The following ISCU variants were observed in gnomAD, a reference collection of about 807,000 sequenced individuals.
The protein encoded by ISCU is iron-sulfur cluster assembly enzyme ISCU.
ISCU carries 13 observed loss-of-function variants against 18.4 expected under a neutral mutation model. The observed-to-expected ratio is 0.71, with a 90% confidence interval of 0.46 to 1.12. The LOEUF (loss-of-function observed/expected upper bound fraction) is 1.12, where lower values mean the gene tolerates loss of function less well. Among genes scored for constraint, ISCU ranks in the 50% most tolerant of loss-of-function variants. The probability of loss-of-function intolerance (pLI) is 0.00; values close to 1 mark genes in which losing one functional copy is unlikely to be tolerated. For missense variants in ISCU, 229 were observed against 208.7 expected (o/e 1.10, Z -0.60); for synonymous variants, 104 against 87.5 (o/e 1.19, Z -1.06).
At chr12:108,564,525 G>A (rs2030798464) in intron 2 of ISCU, 133 bp downstream of exon 2, 2 of 717,792 alleles carry the variant, frequency 2.8e-6, no homozygotes, top group Non-Finnish European at 5.0e-6. Context: ...ATTCCTGTGA[G>A]ATGGGATGAG....
At position 108,564,338 on chromosome 12, in the gene ISCU, T is replaced by C. The variant is rs779724453; in HGVS notation, c.174T>C (p.Asn58=). 8 of 1,614,106 alleles carry C rather than the reference T, an allele frequency of 5.0e-6. No homozygotes were observed. The South Asian group carries it at 7.7e-5, about 16-fold the overall frequency. ...NVGSLDKTSK[N]VGTGLVGAPA... ...GGTCCCTTGACAAGACATCTAAAAA[T>C]GTTGGAACTGGACTGGTGGGGGCTC... is the stretch of plus-strand genomic sequence containing the variant. The change falls in exon 2 of 5, where the codon AAT becomes AAC. Residue 58 remains asparagine, a synonymous_variant. Transcript: ENST00000311893.
chr12:108,564,413 T>C (rs200813229), intron 2 of ISCU, 21 bp downstream of exon 2: 2 of 1,487,846 alleles, frequency 1.3e-6, no homozygotes, highest in African/African-American at 2.8e-5. Flanking sequence ...TCTTTTTTAA[T>C]AGTGATAACA....
chr12:108,565,911 T>C (rs2030875846), intron 3 of ISCU, among the ~76,000 whole-genome samples: 1 of 152,246 alleles, frequency 6.6e-6, no homozygotes, highest in Non-Finnish European at 1.5e-5. Flanking sequence ...ATCAGAACAG[T>C]GATCCAGGTG....
intron 2 of ISCU, 63 bp from the exon 3 acceptor site, chr12:108,565,258 G>GT (rs1200153802): frequency 6.5e-6 from 8 of 1,230,766 alleles, no homozygotes; most frequent in African/African-American, 1.5e-5. Context: ...GTGAACCTTC[G>GT]TGAGTGCCAG....
rs141286897 is a variant in ISCU at position 108,563,527 on chromosome 12, G to T, written c.115-752G>T. 2.0e-3 allele frequency: 333 copies of T among 168,786 alleles called. 1 individual carries two copies. The highest frequency in any genetic ancestry group is 7.7e-3 in the African/African-American group (321 of 41,542). The allele number at this position is 168,786 out of a possible 1,614,324, so 10.5% of individuals were successfully genotyped here. A position where few individuals can be genotyped will look rare whatever the true frequency, so the allele number is the denominator to read the frequency against. On this transcript the variant is annotated intron_variant, in intron 1 of 4. Coordinates refer to ENST00000311893, the MANE Select transcript of ISCU (RefSeq NM_213595.4). ...AGTCAGATGGGGGGAAAAGGGGACTGGAAGATCGGCGTGCTTACTACTAAC... is the reference window on the plus strand; with the variant it reads ...AGTCAGATGGGGGGAAAAGGGGACTTGAAGATCGGCGTGCTTACTACTAAC...
In ISCU at chr12:108,563,339, G is replaced by T. The variant is rs145962497; in HGVS notation, c.114+603G>T. On this transcript the variant is annotated intron_variant, in intron 1 of 4. Coordinates refer to ENST00000311893, the MANE Select transcript of ISCU (RefSeq NM_213595.4). ...GTTTTTTGGCGGGGAAGGAGGGATAGATTCATAGTCTGCAGCCCCTTGCTG... is the reference window on the plus strand; with the variant it reads ...GTTTTTTGGCGGGGAAGGAGGGATATATTCATAGTCTGCAGCCCCTTGCTG... 573 of 152,960 alleles carry T rather than the reference G, an allele frequency of 3.7e-3. 2 individuals carry two copies. The highest frequency in any genetic ancestry group is 6.8e-3 in the Non-Finnish European group (463 of 68,566). 9.5% of individuals were successfully genotyped at this position (152,960 alleles called of 1,614,324 possible). A position where few individuals can be genotyped will look rare whatever the true frequency, so the allele number is the denominator to read the frequency against.
chr12:108,568,729 TC>T (rs1311402480), intron 4 of ISCU, 101 bp from the exon 5 acceptor site: 1 of 1,545,090 alleles, frequency 6.5e-7, no homozygotes, highest in African/African-American at 1.4e-5. Context: ...ACTCCATTAG[TC>T]CCCACCAGCA....
rs369816560 is a variant in ISCU at position 108,568,927 on chromosome 12, G to A, written c.*11G>A. On this transcript the variant is annotated 3_prime_UTR_variant, in exon 5 of 5. Transcript: ENST00000311893. Reference sequence around the variant, plus strand: ...GCAGAGAAGAAATGAGCCCTCCCTCGGCGAAGCCTCCAGCAGGCCACACCA... The same window carrying A: ...GCAGAGAAGAAATGAGCCCTCCCTCAGCGAAGCCTCCAGCAGGCCACACCA... The A allele has an allele frequency of 8.9e-5, 143 of 1,605,830 alleles. No homozygotes were observed. The highest frequency in any genetic ancestry group is 2.0e-4 in the East Asian group (9 of 44,778).
intron 4 of ISCU, chr12:108,567,756 G>A (rs2030969304): frequency 1.3e-6 from 2 of 1,535,694 alleles, no homozygotes; most frequent in East Asian, 2.4e-5. Context: ...ATTCCTGTCG[G>A]GGTCTGCATC....
Position 108,569,207 on chromosome 12 carries a change from G to A in ISCU, c.*291G>A. 1 of 434,206 alleles carries A rather than the reference G, an allele frequency of 2.3e-6. No homozygotes were observed. The highest frequency in any genetic ancestry group is 4.3e-6 in the Non-Finnish European group (1 of 234,426). 26.9% of individuals were successfully genotyped at this position (434,206 alleles called of 1,614,324 possible). ...GATAATGAAGTTGCAAGTTTTGATA[G>A]CCCGTGAAGTGCATAAGTATCTAAT... On this transcript the variant is annotated 3_prime_UTR_variant, in exon 5 of 5. Coordinates refer to ENST00000311893, the MANE Select transcript of ISCU (RefSeq NM_213595.4).
chr12:108,562,895 T>A (rs2030680743), intron 1 of ISCU, 159 bp downstream of exon 1: 3 of 423,184 alleles, frequency 7.1e-6, no homozygotes, highest in African/African-American at 6.2e-5. Context: ...TCACTGCAAC[T>A]GATAAACAAC....
At position 108,568,869 on chromosome 12, in the gene ISCU, T is replaced by A. The variant is rs1314573372; in HGVS notation, c.457T>A (p.Tyr153Asn). 1 of 1,613,534 alleles carries A rather than the reference T, an allele frequency of 6.2e-7. No homozygotes were observed. Among genetic ancestry groups the A allele is most frequent in the African/African-American group, 1.3e-5 (1 of 74,922 alleles). ...EDAIKAALADYKLKQEPKKGE... is the reference protein window; with the variant it reads ...EDAIKAALADNKLKQEPKKGE... Reference sequence around the variant, plus strand: ...TGCAATCAAGGCCGCCCTGGCTGATTACAAATTGAAACAAGAACCCAAAAA... The same window carrying A: ...TGCAATCAAGGCCGCCCTGGCTGATAACAAATTGAAACAAGAACCCAAAAA... Residue 153 changes from tyrosine (Y) to asparagine (N), a missense_variant, in exon 5 of 5, where the codon TAC (tyrosine) becomes AAC (asparagine). Tyr to Asn is a moderately radical substitution (Grantham distance 143). Transcript: ENST00000311893.
At chr12:108,562,906 A>G (rs1055675445) in intron 1 of ISCU, 170 bp downstream of exon 1, 3 of 407,278 alleles carry the variant, frequency 7.4e-6, no homozygotes, top group Non-Finnish European at 1.3e-5. Context: ...GATAAACAAC[A>G]GTTACCGCTC....
chr12:108,563,520 G>C (rs991616095), intron 1 of ISCU: 1 of 167,502 alleles, frequency 6.0e-6, no homozygotes, highest in Admixed American at 5.6e-5. Flanking sequence ...GGGGGGAAAA[G>C]GGGACTGGAA....
At chr12:108,566,268 G>T (rs896381711) in intron 3 of ISCU, among the ~76,000 whole-genome samples, 1 of 152,256 alleles carries the variant, frequency 6.6e-6, no homozygotes, top group African/African-American at 2.4e-5. Flanking sequence ...GGGCCAGGAA[G>T]CTCAGACCTA....
At chr12:108,567,668 G>C in intron 4 of ISCU, 2 of 1,535,988 alleles carry the variant, frequency 1.3e-6, no homozygotes, top group Non-Finnish European at 1.7e-6. Context: ...AATCTGTGCT[G>C]TTTCCAGCAG....
At chr12:108,567,352 GA>G in intron 4 of ISCU, 84 bp downstream of exon 4, 1 of 1,124,312 alleles carries the variant, frequency 8.9e-7, no homozygotes, top group Non-Finnish European at 1.4e-6. Flanking sequence ...TTAGATCATG[GA>G]GCCCACGTTT....
chr12:108,564,061 T>C, intron 1 of ISCU: 3 of 1,593,978 alleles, frequency 1.9e-6, no homozygotes, highest in Non-Finnish European at 2.6e-6. Flanking sequence ...TTCTTCTAGG[T>C]ATCTCAAATC....
chr12:108,562,710 GC>G lies in ISCU; in HGVS notation c.92del (p.Pro31ArgfsTer42). 1.3e-6 allele frequency: 2 copies of G among 1,487,998 alleles called. No individual in the cohort carries two copies. The highest frequency in any genetic ancestry group is 1.8e-6 in the Non-Finnish European group (2 of 1,129,262). The allele number at this position is 1,487,998 out of a possible 1,614,324, so 92.2% of individuals were successfully genotyped here. ...CCGCCTGCCCGCCCGGGAGCTGTCG[GC>G]CCCGGCCCGACTCTATCACAAGAAG... Reference protein sequence around the residue: ...SPRLPARELSAPARLYHKKVV... With the variant: ...SPRLPARELSXPARLYHKKVV... On this transcript the variant is annotated frameshift_variant, in exon 1 of 5. Transcript: ENST00000311893. LOFTEE classifies it high-confidence loss of function.
Sources: allele counts gnomAD v4.1 joint callset (sites outside exome capture counted in the v4.1 genomes callset), GRCh38; gene constraint gnomAD v4.1.1; transcripts MANE v1.5; gene names NCBI Gene and HGNC (gene_info 2026-07-23, HGNC 2026-07-21).